Variants in CMSS1 observed in about 807,000 individuals in gnomAD.
CMSS1 encodes protein CMSS1.
CMSS1 carries 33 observed loss-of-function variants against 43.5 expected under a neutral mutation model. The observed-to-expected ratio is 0.76, with a 90% confidence interval of 0.57 to 1.01. CMSS1 has a LOEUF of 1.01. Ranked by LOEUF, CMSS1 falls within the 50% of genes least tolerant of loss-of-function variation. CMSS1 has a pLI of 0.00. For synonymous variants in CMSS1, 115 were observed against 117.2 expected, an observed-to-expected ratio of 0.98 and a Z score of 0.12; for missense variants, 313 against 326.4, an observed-to-expected ratio of 0.96 and a Z score of 0.32.
intron 1 of CMSS1, among the ~76,000 whole-genome samples, chr3:99,954,835 G>GA (rs575824107): frequency 0.019 from 2,721 of 145,946 alleles, 50 homozygotes; most frequent in East Asian, 0.1. Context: ...CAAAAAAAAA[G>GA]AAAAAAAAAA....
intron 1 of CMSS1, chr3:99,850,301 A>G (rs1943609816): frequency 1.2e-6 from 2 of 1,613,804 alleles, no homozygotes; most frequent in East Asian, 4.5e-5. Context: ...AGTTCTTGAG[A>G]CAACTGCTTT....
At chr3:99,952,125 G>C (rs1287969910) in intron 1 of CMSS1, among the ~76,000 whole-genome samples, 1 of 151,930 alleles carries the variant, frequency 6.6e-6, no homozygotes, top group African/African-American at 2.4e-5. Flanking sequence ...CATCACCAGA[G>C]GTTGTTAAGA....
At chr3:99,930,504 A>G (rs2107662450) in intron 1 of CMSS1, among the ~76,000 whole-genome samples, 1 of 152,318 alleles carries the variant, frequency 6.6e-6, no homozygotes, top group East Asian at 1.9e-4. Context: ...ATGCATGTGC[A>G]CTGAAGCTCC....
intron 1 of CMSS1, among the ~76,000 whole-genome samples, chr3:100,036,333 A>G (rs2065107434): frequency 6.6e-6 from 1 of 152,200 alleles, no homozygotes. Context: ...TGAGCCTGGA[A>G]CATCTTTTCA....
At chr3:99,982,718 A>G (rs1231880437) in intron 1 of CMSS1, among the ~76,000 whole-genome samples, 1 of 152,158 alleles carries the variant, frequency 6.6e-6, no homozygotes, top group Admixed American at 6.5e-5. Flanking sequence ...ACCACCATTC[A>G]TTTGCATGAT....
intron 1 of CMSS1, among the ~76,000 whole-genome samples, chr3:100,073,911 C>G (rs899465422): frequency 3.9e-5 from 6 of 152,178 alleles, no homozygotes; most frequent in Non-Finnish European, 5.9e-5. Context: ...TGATTGCCCA[C>G]TGAAGTTTTC....
intron 1 of CMSS1, chr3:99,930,079 C>G (rs1447022130): frequency 6.8e-7 from 1 of 1,466,272 alleles, no homozygotes; most frequent in Non-Finnish European, 9.2e-7. Flanking sequence ...TACCAGCAGT[C>G]TCAGCAAGTG....
rs145406218 is a variant in CMSS1 at position 100,007,509 on chromosome 3, G to A, written c.65-139464G>A. 3.7e-3 allele frequency among the ~76,000 whole-genome samples: 569 copies of A among 152,244 alleles called. 3 individuals carry two copies. Among genetic ancestry groups the A allele is most frequent in the African/African-American group, 0.013 (541 of 41,540 alleles). On this transcript the variant is annotated intron_variant, in intron 1 of 9. Transcript: ENST00000421999. Reference sequence around the variant, plus strand: ...AAATCATGAAAGATGCAAAAGTCTAGTCAGCAGAAACAGTAAGAGATCCGT... The same window carrying A: ...AAATCATGAAAGATGCAAAAGTCTAATCAGCAGAAACAGTAAGAGATCCGT...
At chr3:99,922,641 T>A (rs1013673745) in intron 1 of CMSS1, among the ~76,000 whole-genome samples, 1 of 152,230 alleles carries the variant, frequency 6.6e-6, no homozygotes, top group Non-Finnish European at 1.5e-5. Flanking sequence ...AATAAGCCAT[T>A]TGAGATTGGT....
chr3:100,038,028 C>G (rs1278876789), intron 1 of CMSS1, among the ~76,000 whole-genome samples: 1 of 150,172 alleles, frequency 6.7e-6, no homozygotes, highest in East Asian at 2.0e-4. Context: ...AATCTCGGCT[C>G]ACTGCAACCT....
intron 1 of CMSS1, among the ~76,000 whole-genome samples, chr3:100,016,316 C>A (rs1248064836): frequency 6.6e-6 from 1 of 152,146 alleles, no homozygotes; most frequent in Non-Finnish European, 1.5e-5. Context: ...CCTCAGCCTC[C>A]CGAGTAGGTG....
chr3:99,978,313 G>A (rs1050286583), intron 1 of CMSS1, among the ~76,000 whole-genome samples: 1 of 151,572 alleles, frequency 6.6e-6, no homozygotes, highest in African/African-American at 2.4e-5. Context: ...AAATCAATAT[G>A]CCAAAGAGAC....
At chr3:99,942,828 C>CA (rs55862003) in intron 1 of CMSS1, among the ~76,000 whole-genome samples, 1,265 of 125,608 alleles carry the variant, frequency 0.01, 18 homozygotes, top group African/African-American at 0.03. Context: ...GACTCTGTCT[C>CA]AAAAAAAAAA....
chr3:100,081,030 G>T (rs1217176625), intron 1 of CMSS1, among the ~76,000 whole-genome samples: 1 of 152,174 alleles, frequency 6.6e-6, no homozygotes, highest in Non-Finnish European at 1.5e-5. Flanking sequence ...TGAGCATCTT[G>T]TGTAATGAAG....
At chr3:99,980,533 A>C (rs1467920223) in intron 1 of CMSS1, among the ~76,000 whole-genome samples, 1 of 152,204 alleles carries the variant, frequency 6.6e-6, no homozygotes, top group East Asian at 1.9e-4. Context: ...TTTTTTATAC[A>C]TTCAGTTCAG....
At chr3:99,851,105 G>A (rs1943674498) in intron 1 of CMSS1, 2 of 1,503,590 alleles carry the variant, frequency 1.3e-6, no homozygotes, top group Non-Finnish European at 1.8e-6. Flanking sequence ...TTTTGTGATT[G>A]ATGCTTTAGT....
intron 1 of CMSS1, among the ~76,000 whole-genome samples, chr3:100,000,055 A>T (rs1221954164): frequency 6.6e-6 from 1 of 152,170 alleles, no homozygotes; most frequent in Non-Finnish European, 1.5e-5. Context: ...GGGCCCAGGC[A>T]TCTCTATTTT....
intron 1 of CMSS1, among the ~76,000 whole-genome samples, chr3:99,932,846 G>A (rs760987966): frequency 1.5e-4 from 23 of 152,098 alleles, no homozygotes; most frequent in African/African-American, 4.1e-4. Context: ...AGCCAAGATC[G>A]CGCCCGGCAC....
chr3:100,034,875 T>C (rs1182075478), intron 1 of CMSS1, among the ~76,000 whole-genome samples: 1 of 152,204 alleles, frequency 6.6e-6, no homozygotes, highest in African/African-American at 2.4e-5. Context: ...TTGTGGTGTT[T>C]TTTCTCAGTA....
Sources: gnomAD v4.1 joint callset for allele counts (sites outside exome capture counted in the v4.1 genomes callset) on GRCh38, gnomAD v4.1.1 for gene constraint, MANE v1.5 for transcripts, NCBI Gene and HGNC (gene_info 2026-07-23, HGNC 2026-07-21) for gene names.